Variants in PRDM16 observed in about 807,000 individuals in gnomAD.
PRDM16 encodes the protein histone-lysine N-methyltransferase PRDM16.
Under a neutral mutation model 110.6 loss-of-function variants are expected in PRDM16, and 23 were observed. The ratio of observed to expected loss-of-function variants is 0.21; its 90% CI spans 0.15 to 0.29. The LOEUF (loss-of-function observed/expected upper bound fraction) is 0.29. Among genes scored for constraint, PRDM16 ranks in the 10% least tolerant of loss-of-function variants. The probability of loss-of-function intolerance (pLI) is 1.00; values close to 1 mark genes in which losing one functional copy is unlikely to be tolerated. For missense variants in PRDM16, 1,615 were observed against 1,794.3 expected, an observed-to-expected ratio of 0.90 and a Z score of 1.81; for synonymous variants, 799 against 781.8, an observed-to-expected ratio of 1.02 and a Z score of -0.37.
chr1:3,214,493 T>C (rs1638974962), intron 2 of PRDM16, among the ~76,000 whole-genome samples: 1 of 152,098 alleles, frequency 6.6e-6, no homozygotes, highest in East Asian at 1.9e-4. Flanking sequence ...GGTTGGGAGT[T>C]CAAGACCAGC....
chr1:3,092,445 T>G (rs1435128713), intron 1 of PRDM16, among the ~76,000 whole-genome samples: 1 of 152,204 alleles, frequency 6.6e-6, no homozygotes, highest in Non-Finnish European at 1.5e-5. Flanking sequence ...CTTGGGTCCA[T>G]GAATGGAGCA....
chr1:3,172,576 G>T (rs1367028346), intron 1 of PRDM16, among the ~76,000 whole-genome samples: 1 of 152,168 alleles, frequency 6.6e-6, no homozygotes, highest in Non-Finnish European at 1.5e-5. Flanking sequence ...GAAGAGACAA[G>T]CCAAAGGCGG....
At chr1:3,299,053 A>G (rs566872401) in intron 3 of PRDM16, among the ~76,000 whole-genome samples, 1 of 152,326 alleles carries the variant, frequency 6.6e-6, no homozygotes, top group East Asian at 1.9e-4. Context: ...AAACGCACAC[A>G]GCATTTCTCT....
intron 12 of PRDM16, among the ~76,000 whole-genome samples, chr1:3,423,814 G>A (rs1157641317): frequency 6.6e-6 from 1 of 152,266 alleles, no homozygotes; most frequent in African/African-American, 2.4e-5. Context: ...TCCTGCTGCA[G>A]TGGGTAGACT....
intron 1 of PRDM16, among the ~76,000 whole-genome samples, chr1:3,114,197 ACG>A (rs1248899920): frequency 6.2e-5 from 8 of 129,592 alleles, no homozygotes; most frequent in Non-Finnish European, 1.3e-4. Context: ...ACACACGCAC[ACG>A]CACGCACACA....
At chr1:3,103,426 A>G (rs896494820) in intron 1 of PRDM16, among the ~76,000 whole-genome samples, 1 of 152,232 alleles carries the variant, frequency 6.6e-6, no homozygotes, top group Admixed American at 6.5e-5. Context: ...CGCCAAACGC[A>G]TTCTGAGCTC....
At chr1:3,270,374 G>A (rs114203802) in intron 3 of PRDM16, among the ~76,000 whole-genome samples, 3,543 of 148,962 alleles carry the variant, frequency 0.024, 145 homozygotes, top group African/African-American at 0.083. Flanking sequence ...ACAGTCAGGA[G>A]GAGGACAGCC....
intron 3 of PRDM16, among the ~76,000 whole-genome samples, chr1:3,327,358 C>G (rs111593284): frequency 6.6e-6 from 1 of 152,096 alleles, no homozygotes; most frequent in Non-Finnish European, 1.5e-5. Flanking sequence ...CAGCAGCCCT[C>G]GGGGGGTCCT....
chr1:3,069,225 CAAG>C lies in PRDM16; in HGVS notation c.-34_-32del, dbSNP rs1410839681. 9 of 1,577,892 alleles carry C rather than the reference CAAG, an allele frequency of 5.7e-6. No homozygotes were observed. Among genetic ancestry groups the C allele is most frequent in the South Asian group, 1.1e-5 (1 of 87,378 alleles). On this transcript the variant is annotated 5_prime_UTR_variant, in exon 1 of 17. Transcript: ENST00000270722. This position sits in a 1 kb window ranked among gnomAD's most constrained non-coding sequence, Gnocchi z 6.1. ...GATAGTGTGTGGCTGCTTCTGGACT[CAAG>C]GAGGAGGAGAGAGATTCCGCGAGCC...
intron 4 of PRDM16, among the ~76,000 whole-genome samples, chr1:3,395,962 G>A (rs556014930): frequency 1.3e-5 from 2 of 152,182 alleles, no homozygotes; most frequent in South Asian, 2.1e-4. Flanking sequence ...AGTCCTGCCC[G>A]CCCCAGCCTT....
chr1:3,356,169 G>T (rs529112207), intron 3 of PRDM16, among the ~76,000 whole-genome samples: 6 of 152,202 alleles, frequency 3.9e-5, no homozygotes, highest in Non-Finnish European at 8.8e-5. Flanking sequence ...AGCAAATCAC[G>T]TCCTTTCGCA....
At chr1:3,117,749 C>T (rs961435917) in intron 1 of PRDM16, among the ~76,000 whole-genome samples, 4 of 152,118 alleles carry the variant, frequency 2.6e-5, no homozygotes, top group Non-Finnish European at 4.4e-5. Flanking sequence ...GGCCCGGGCC[C>T]GCCTTGTCCT....
At chr1:3,173,013 C>G (rs1332339930) in intron 1 of PRDM16, among the ~76,000 whole-genome samples, 1 of 152,232 alleles carries the variant, frequency 6.6e-6, no homozygotes, top group African/African-American at 2.4e-5. Flanking sequence ...GCTCGTGGAG[C>G]TAGTGCTTGG....
chr1:3,212,989 G>A (rs1344921723), intron 2 of PRDM16, among the ~76,000 whole-genome samples: 2 of 152,232 alleles, frequency 1.3e-5, no homozygotes, highest in Non-Finnish European at 2.9e-5. Flanking sequence ...CTGGACACAG[G>A]GAAGTCAGTG....
At position 3,358,028 on chromosome 1, in the gene PRDM16, G is replaced by A. The variant is rs569037033; in HGVS notation, c.439-27124G>A. Among the ~76,000 whole-genome samples the A allele has an allele frequency of 2.0e-5, 3 of 152,378 alleles. No homozygotes were observed. The East Asian group carries it at 5.8e-4, about 29-fold the overall frequency. On this transcript the variant is annotated intron_variant, in intron 3 of 16. Transcript: ENST00000270722. The surrounding 1 kb of genome is among the most constrained non-coding windows in gnomAD (Gnocchi z 4.0). ...TCACTGACATGCTCGCCCATGAGCT[G>A]AGTCTGCCTTGACCACTGAAGGAGG... is the stretch of plus-strand genomic sequence containing the variant.
chr1:3,349,646 G>C (rs916250893), intron 3 of PRDM16, among the ~76,000 whole-genome samples: 2 of 152,226 alleles, frequency 1.3e-5, no homozygotes, highest in African/African-American at 4.8e-5. Flanking sequence ...AGAGCTCAGG[G>C]CCGCCCGTGA....
intron 3 of PRDM16, among the ~76,000 whole-genome samples, chr1:3,367,043 G>A (rs1465184965): frequency 6.6e-6 from 1 of 152,226 alleles, no homozygotes; most frequent in Non-Finnish European, 1.5e-5. Flanking sequence ...CGAGGCCGGT[G>A]GATCACCTGA....
At chr1:3,377,720 C>T (rs1643018436) in intron 3 of PRDM16, among the ~76,000 whole-genome samples, 1 of 152,182 alleles carries the variant, frequency 6.6e-6, no homozygotes, top group East Asian at 1.9e-4. Context: ...AGCCCAGTGG[C>T]CATGGTGGCC....
At chr1:3,410,318 G>A (rs189923994) in intron 8 of PRDM16, among the ~76,000 whole-genome samples, 3 of 152,258 alleles carry the variant, frequency 2.0e-5, no homozygotes, top group African/African-American at 4.8e-5. Context: ...TAGCTGGGCC[G>A]GCACTGCCCT....
Sources: gnomAD v4.1 joint callset for allele counts (sites outside exome capture counted in the v4.1 genomes callset) on GRCh38, gnomAD v4.1.1 for gene constraint, Gnocchi (gnomAD v3.1) non-coding constraint, MANE v1.5 for transcripts, NCBI Gene and HGNC (gene_info 2026-07-23, HGNC 2026-07-21) for gene names.